ZFAND6: variants seen among roughly 807,000 people sequenced by gnomAD.
The protein encoded by ZFAND6 is zinc finger AN1-type containing 6, also known as AN1-type zinc finger protein 6.
In ZFAND6, 12 loss-of-function variants were observed where a neutral mutation model predicts 24.5. The ratio of observed to expected loss-of-function variants is 0.49; its 90% CI spans 0.31 to 0.79. The LOEUF (loss-of-function observed/expected upper bound fraction) is 0.79, where lower values mean the gene tolerates loss of function less well. Ranked by LOEUF, ZFAND6 falls within the 30% of genes least tolerant of loss-of-function variation. The pLI is 0.04. For synonymous variants in ZFAND6, 92 were observed against 81.5 expected (o/e 1.13, Z -0.69); for missense variants, 207 against 245.9 (o/e 0.84, Z 1.06).
chr15:80,070,851 C>T (rs1278424676), intron 1 of ZFAND6, among the ~76,000 whole-genome samples: 6 of 151,956 alleles, frequency 3.9e-5, no homozygotes, highest in African/African-American at 1.5e-4. Context: ...GTCACTTTTC[C>T]TCAAATCTTA....
intron 2 of ZFAND6, among the ~76,000 whole-genome samples, chr15:80,107,598 G>A (rs950111795): frequency 6.6e-6 from 1 of 152,142 alleles, no homozygotes; most frequent in Non-Finnish European, 1.5e-5. Flanking sequence ...GCTGAAGCGG[G>A]TGGGTCACCT....
chr15:80,083,733 A>C (rs1567060297), intron 1 of ZFAND6, among the ~76,000 whole-genome samples: 1 of 152,198 alleles, frequency 6.6e-6, no homozygotes, highest in Non-Finnish European at 1.5e-5. Flanking sequence ...TCTACTAAAA[A>C]TATAAAAATC....
intron 2 of ZFAND6, among the ~76,000 whole-genome samples, chr15:80,105,552 A>C (rs1315069298): frequency 6.6e-6 from 1 of 152,224 alleles, no homozygotes; most frequent in Non-Finnish European, 1.5e-5. Context: ...TACGGGTTAA[A>C]GTATTTTCAC....
At chr15:80,084,167 C>T (rs1285242139) in intron 1 of ZFAND6, among the ~76,000 whole-genome samples, 1 of 152,176 alleles carries the variant, frequency 6.6e-6, no homozygotes, top group Non-Finnish European at 1.5e-5. Context: ...GGCATGATTA[C>T]AGCACACACA....
chr15:80,120,300 T>G, intron 2 of ZFAND6, 28 bp from the exon 3 acceptor site: 1 of 1,471,072 alleles, frequency 6.8e-7, no homozygotes. Context: ...CGTGTCTGAG[T>G]TCTTTGCTAA....
chr15:80,096,618 A>T (rs891529421), intron 1 of ZFAND6, among the ~76,000 whole-genome samples: 3 of 152,262 alleles, frequency 2.0e-5, no homozygotes, highest in Non-Finnish European at 4.4e-5. Context: ...AAATTAGTCT[A>T]TGAAATTGGA....
upstream of ZFAND6, chr15:80,059,560 G>A (rs899298762): frequency 3.9e-5 from 6 of 152,008 alleles, no homozygotes; most frequent in Admixed American, 6.5e-5. Flanking sequence ...GGCCCCGCCC[G>A]CGCCGGTAAT....
chr15:80,071,984 T>C (rs2037004179), intron 1 of ZFAND6, among the ~76,000 whole-genome samples: 1 of 152,148 alleles, frequency 6.6e-6, no homozygotes, highest in Non-Finnish European at 1.5e-5. Flanking sequence ...TCTGTTGTGA[T>C]ACTGAGAACA....
intron 1 of ZFAND6, among the ~76,000 whole-genome samples, chr15:80,076,745 A>G (rs1369544720): frequency 6.6e-6 from 1 of 152,132 alleles, no homozygotes; most frequent in Non-Finnish European, 1.5e-5. Context: ...CCTTTCCTTT[A>G]CACACTGAGC....
rs766620204 is a variant in ZFAND6, at chr15:80,096,999, A to ATTTT, written c.-180-1402_-180-1399dup. On this transcript the variant is annotated intron_variant, in intron 1 of 6. Transcript: ENST00000261749. ...TTAAAGTTTAGATATAATGTGTTAG[A>ATTTT]TTTTTTTTTTTTTTTTTTGAGACGG... Among the ~76,000 whole-genome samples the ATTTT allele has an allele frequency of 4.2e-3, 581 of 138,764 alleles. 3 individuals are homozygous for ATTTT. The highest frequency in any genetic ancestry group is 0.015 in the African/African-American group (565 of 37,582). The allele number at this position is 138,764 out of a possible 152,430, so 91.0% of individuals were successfully genotyped here.
chr15:80,112,014 C>T (rs758398766), intron 2 of ZFAND6, among the ~76,000 whole-genome samples: 8 of 152,174 alleles, frequency 5.3e-5, no homozygotes, highest in Non-Finnish European at 1.2e-4. Flanking sequence ...AATCTCAGCA[C>T]TTAGGGAGGC....
At chr15:80,100,432 GT>G in intron 2 of ZFAND6, among the ~76,000 whole-genome samples, 1 of 152,248 alleles carries the variant, frequency 6.6e-6, no homozygotes, top group Non-Finnish European at 1.5e-5. Flanking sequence ...ACTGTAGAGG[GT>G]TTAGGGGGAA....
chr15:80,086,721 A>G (rs2141879035), intron 1 of ZFAND6, among the ~76,000 whole-genome samples: 1 of 152,368 alleles, frequency 6.6e-6, no homozygotes, highest in Non-Finnish European at 1.5e-5. Context: ...CAGTACCATT[A>G]AATACATTCA....
At chr15:80,098,194 C>T (rs1163242390) in intron 1 of ZFAND6, among the ~76,000 whole-genome samples, 1 of 152,202 alleles carries the variant, frequency 6.6e-6, no homozygotes, top group Admixed American at 6.5e-5. Flanking sequence ...AATCCTTACT[C>T]ACCTAGTCTG....
intron 5 of ZFAND6, among the ~76,000 whole-genome samples, chr15:80,124,838 AAG>A (rs1391700297): frequency 6.6e-6 from 1 of 152,214 alleles, no homozygotes; most frequent in Non-Finnish European, 1.5e-5. Context: ...TCTCAGTTTT[AAG>A]AGAGGAGGGT....
intron 2 of ZFAND6, among the ~76,000 whole-genome samples, chr15:80,108,073 T>C (rs1369752221): frequency 2.6e-5 from 4 of 152,188 alleles, no homozygotes; most frequent in African/African-American, 9.7e-5. Context: ...ACCTACTTAA[T>C]AGGACTATTA....
chr15:80,110,620 C>T (rs149114418), intron 2 of ZFAND6, among the ~76,000 whole-genome samples: 1,914 of 151,250 alleles, frequency 0.013, 40 homozygotes, highest in African/African-American at 0.043. Flanking sequence ...TCAAAAAAAA[C>T]TGTATAATTT....
At chr15:80,111,053 A>G (rs2039583505) in intron 2 of ZFAND6, among the ~76,000 whole-genome samples, 1 of 152,252 alleles carries the variant, frequency 6.6e-6, no homozygotes, top group South Asian at 2.1e-4. Context: ...TGTCAGCTTC[A>G]GTAATACAGA....
intron 1 of ZFAND6, among the ~76,000 whole-genome samples, chr15:80,086,494 T>C (rs1221750809): frequency 6.6e-6 from 1 of 152,224 alleles, no homozygotes; most frequent in Non-Finnish European, 1.5e-5. Context: ...TTGAACCAAT[T>C]TGTAAACAAT....
Sources: gnomAD v4.1 joint callset for allele counts (sites outside exome capture counted in the v4.1 genomes callset) on GRCh38, gnomAD v4.1.1 for gene constraint, MANE v1.5 for transcripts, NCBI Gene and HGNC (gene_info 2026-07-23, HGNC 2026-07-21) for gene names.